Variants in FSCN3 observed in about 807,000 individuals in gnomAD.
FSCN3 encodes fascin-3.
FSCN3 carries 43 observed loss-of-function variants against 53.5 expected under a neutral mutation model. The ratio of observed to expected loss-of-function variants is 0.80; its 90% CI spans 0.63 to 1.04. The LOEUF (loss-of-function observed/expected upper bound fraction) is 1.04, where lower values mean the gene tolerates loss of function less well. Ranked by LOEUF, FSCN3 falls within the 50% of genes least tolerant of loss-of-function variation. FSCN3 has a pLI of 0.00. For missense variants in FSCN3, 594 were observed against 646.5 expected (o/e 0.92, Z 0.88); for synonymous variants, 235 against 246.6 (o/e 0.95, Z 0.44).
At chr7:127,594,751 A>G (rs891076782) in intron 1 of FSCN3, 1 of 471,142 alleles carries the variant, frequency 2.1e-6, no homozygotes, top group African/African-American at 2.0e-5. Context: ...AGACTGAGGC[A>G]GGGGCAAAGT....
chr7:127,594,929 C>G, intron 1 of FSCN3: 1 of 475,616 alleles, frequency 2.1e-6, no homozygotes, highest in South Asian at 1.6e-5. Context: ...GCTAAGTGTG[C>G]TCTCTGCGGA....
chr7:127,594,920 C>T (rs1423250525), intron 1 of FSCN3: 1 of 477,082 alleles, frequency 2.1e-6, no homozygotes, highest in African/African-American at 2.0e-5. Flanking sequence ...GAGGTATTGG[C>T]TAAGTGTGCT....
chr7:127,594,036 T>A, intron 1 of FSCN3, 39 bp downstream of exon 1: 1 of 1,606,464 alleles, frequency 6.2e-7, no homozygotes. Flanking sequence ...GTTTTCTGAG[T>A]GGCCAAGCTG....
intron 6 of FSCN3, among the ~76,000 whole-genome samples, chr7:127,600,821 TG>T (rs1340169298): frequency 6.6e-6 from 1 of 152,220 alleles, no homozygotes; most frequent in Non-Finnish European, 1.5e-5. Context: ...CTTGGACCCC[TG>T]GGTCTCTTGA....
intron 1 of FSCN3, chr7:127,594,886 G>A (rs552340178): frequency 1.0e-4 from 48 of 475,006 alleles, no homozygotes; most frequent in Admixed American, 4.9e-4. Flanking sequence ...GTCTTGCCAT[G>A]CTGGAAGGCA....
intron 3 of FSCN3, among the ~76,000 whole-genome samples, 171 bp from the exon 4 acceptor site, chr7:127,598,264 A>T (rs1246999855): frequency 6.6e-6 from 1 of 152,224 alleles, no homozygotes; most frequent in East Asian, 1.9e-4. Context: ...GAAGGGGAAG[A>T]GCTGAGGCCA....
chr7:127,594,160 CTGTGTGTGTGTGTG>C (rs749215425), intron 1 of FSCN3, among the ~76,000 whole-genome samples, 163 bp downstream of exon 1: 47 of 89,238 alleles, frequency 5.3e-4, no homozygotes, highest in Non-Finnish European at 8.9e-4. Flanking sequence ...AGTGGCCAAG[CTGTGTGTGTGTGTG>C]TGTGTGTGTG....
In FSCN3 at chr7:127,597,887, AT is replaced by A. The variant is rs1203232373; in HGVS notation, c.961-547del. Among the ~76,000 whole-genome samples, 3 of 152,234 alleles carry A rather than the reference AT, an allele frequency of 2.0e-5. No homozygotes were observed. The South Asian group carries it at 6.2e-4, about 31-fold the overall frequency. On this transcript the variant is annotated intron_variant, in intron 3 of 6. Coordinates refer to ENST00000265825, the MANE Select transcript of FSCN3 (RefSeq NM_020369.3). ...TATTAATGCGTTGTAAGTGGTCTTC[AT>A]GTGTTCTAAATCCAAGTCCTTTGCC... is the stretch of plus-strand genomic sequence containing the variant.
chr7:127,596,179 G>A, intron 2 of FSCN3, 149 bp from the exon 3 acceptor site: 11 of 1,496,458 alleles, frequency 7.4e-6, no homozygotes, highest in East Asian at 4.6e-5. Flanking sequence ...GGATTTAGGG[G>A]AAAGTTGCCT....
intron 2 of FSCN3, 146 bp from the exon 3 acceptor site, chr7:127,596,182 A>G: frequency 6.7e-7 from 1 of 1,496,436 alleles, no homozygotes; most frequent in Non-Finnish European, 8.9e-7. Context: ...TTTAGGGGAA[A>G]GTTGCCTAGG....
chr7:127,595,851 G>A lies in FSCN3; in HGVS notation c.689G>A (p.Gly230Glu), dbSNP rs146324777. Residue 230 changes from glycine (G) to glutamate (E), a missense_variant, in exon 2 of 7, where the codon GGA (glycine) becomes GAA (glutamate). Gly to Glu is a moderately conservative substitution (Grantham distance 98). Coordinates refer to ENST00000265825, the MANE Select transcript of FSCN3 (RefSeq NM_020369.3). ...RPGGLVALCDGEGGMLYPQGT... is the reference protein window; with the variant it reads ...RPGGLVALCDEEGGMLYPQGT... ...GGAGGGCTTGTGGCACTGTGTGATG[G>A]AGAAGGAGGCATGTTATATCCACAG... is the stretch of plus-strand genomic sequence containing the variant. The A allele has an allele frequency of 6.2e-7, 1 of 1,613,856 alleles. No individual in the cohort carries two copies. The highest frequency in any genetic ancestry group is 8.5e-7 in the Non-Finnish European group (1 of 1,179,854).
At position 127,600,223 on chromosome 7, in the gene FSCN3, T is replaced by C; in HGVS notation, c.1321T>C (p.Ser441Pro). The C allele has an allele frequency of 6.2e-7, 1 of 1,609,404 alleles. No homozygotes were observed. The highest frequency in any genetic ancestry group is 8.5e-7 in the Non-Finnish European group (1 of 1,175,662). ...GGGGGGATCCTTCTGGTCAATAACA[T>C]CCTTTGGCACCTTTCGCCCTTGGGG... ...AQGGSFWSIT[S>P]FGTFRPWGKF... The change falls in exon 6 of 7, where the codon TCC becomes CCC. Residue 441 changes from serine (S) to proline (P), a missense_variant. Coordinates refer to ENST00000265825, the MANE Select transcript of FSCN3 (RefSeq NM_020369.3).
At chr7:127,594,867 T>C in intron 1 of FSCN3, 1 of 473,432 alleles carries the variant, frequency 2.1e-6, no homozygotes, top group Non-Finnish European at 4.4e-6. Context: ...TATAAGAGCT[T>C]TTGCTTCTGT....
chr7:127,594,088 A>AGTGTG, intron 1 of FSCN3, 91 bp downstream of exon 1: 3 of 935,634 alleles, frequency 3.2e-6, no homozygotes, highest in Non-Finnish European at 4.3e-6. Context: ...GCGTGAGTGT[A>AGTGTG]TGTGTGTGTG....
chr7:127,598,555 G>A lies in FSCN3; in HGVS notation c.1081G>A (p.Ala361Thr), dbSNP rs764498468. 1.9e-6 allele frequency: 3 copies of A among 1,613,076 alleles called. No individual in the cohort carries two copies. The Admixed American group carries it at 5.0e-5, about 27-fold the overall frequency. ...CTGCAGGGGGCGCTTCCTGGGCATT[G>A]CACCCAACAGCCTGCTGATGGCCAA... Reference protein sequence around the residue: ...QSCRGRFLGIAPNSLLMANVI... With the variant: ...QSCRGRFLGITPNSLLMANVI... Residue 361 changes from alanine to threonine, a missense_variant, in exon 4 of 7, where the codon GCA (alanine) becomes ACA (threonine). By Grantham distance (58) the Ala-to-Thr change is moderately conservative. Coordinates refer to ENST00000265825, the MANE Select transcript of FSCN3 (RefSeq NM_020369.3).
Position 127,595,340 on chromosome 7 carries a change from A to T in FSCN3, c.178A>T (p.Thr60Ser). The change falls in exon 2 of 7, where the codon ACA (threonine) becomes TCA (serine). Residue 60 changes from threonine to serine, a missense_variant. Thr to Ser is a moderately conservative substitution (Grantham distance 58). Transcript: ENST00000265825. ...WEILVSNEHE[T>S]QAVVRLKSVQ... ...GATCTTGGTGAGCAATGAGCATGAG[A>T]CACAGGCCGTGGTGCGACTAAAGAG... 1.2e-6 allele frequency: 2 copies of T among 1,613,366 alleles called. No individual in the cohort carries two copies. Among genetic ancestry groups the T allele is most frequent in the Non-Finnish European group, 1.7e-6 (2 of 1,179,588 alleles).
At chr7:127,596,947 G>C (rs1794398891) in intron 3 of FSCN3, among the ~76,000 whole-genome samples, 1 of 152,150 alleles carries the variant, frequency 6.6e-6, no homozygotes, top group Non-Finnish European at 1.5e-5. Flanking sequence ...ACCTACTTTA[G>C]CGTTTCTGAT....
In FSCN3 at chr7:127,593,806, G is replaced by T. The variant is rs776872964; in HGVS notation, c.-48G>T. The T allele has an allele frequency of 7.7e-6, 12 of 1,550,252 alleles. No individual in the cohort carries two copies. Among genetic ancestry groups the T allele is most frequent in the Non-Finnish European group, 1.0e-5 (12 of 1,146,072 alleles). ...CTATGGCCTGTGGAACCTCACCACG[G>T]GGGGGAGGGCTGGGCCAGACGGAGA... On this transcript the variant is annotated 5_prime_UTR_variant, in exon 1 of 7. Transcript: ENST00000265825.
At position 127,598,450 on chromosome 7, in the gene FSCN3, G is replaced by T. The variant is rs761678603; in HGVS notation, c.976G>T (p.Val326Leu). 2 of 1,614,020 alleles carry T rather than the reference G, an allele frequency of 1.2e-6. No homozygotes were observed. Among genetic ancestry groups the T allele is most frequent in the East Asian group, 2.2e-5 (1 of 44,880 alleles). Residue 326 changes from valine to leucine, a missense_variant, in exon 4 of 7, where the codon GTA becomes TTA. Physicochemically the swap from Val to Leu is conservative, Grantham distance 32 (BLOSUM62 1). Coordinates refer to ENST00000265825, the MANE Select transcript of FSCN3 (RefSeq NM_020369.3). ...YYLSQRRHRA[V>L]MADGHPLESD... is the part of the protein sequence containing the mutation. ...TTCTTTCCAGAGGCGCCACAGGGCA[G>T]TAATGGCTGATGGGCACCCCCTGGA...
Sources: gnomAD v4.1 joint callset for allele counts (sites outside exome capture counted in the v4.1 genomes callset) on GRCh38, gnomAD v4.1.1 for gene constraint, MANE v1.5 for transcripts, NCBI Gene and HGNC (gene_info 2026-07-23, HGNC 2026-07-21) for gene names.